Variants in PHLPP1 observed in about 807,000 individuals in gnomAD.
The protein encoded by PHLPP1 is PH domain and leucine rich repeat protein phosphatase 1.
Under a neutral mutation model 117.2 loss-of-function variants are expected in PHLPP1, and 42 were observed. The observed-to-expected ratio is 0.36, with a 90% CI of 0.28 to 0.46. PHLPP1 has a LOEUF of 0.46. Ranked by LOEUF, PHLPP1 falls within the 20% of genes least tolerant of loss-of-function variation. PHLPP1 has a pLI of 1.00. For missense variants in PHLPP1, 2,084 were observed against 2,241.9 expected, an observed-to-expected ratio of 0.93 and a Z score of 1.42; for synonymous variants, 1,042 against 970.7, an observed-to-expected ratio of 1.07 and a Z score of -1.37.
intron 4 of PHLPP1, among the ~76,000 whole-genome samples, chr18:62,878,267 A>G (rs1486023080): frequency 1.3e-5 from 2 of 152,230 alleles, no homozygotes; most frequent in African/African-American, 2.4e-5. Context: ...AAGTGTCATC[A>G]TAACTTGGGA....
chr18:62,923,245 A>G (rs1393131419), intron 10 of PHLPP1, among the ~76,000 whole-genome samples: 1 of 152,196 alleles, frequency 6.6e-6, no homozygotes, highest in Non-Finnish European at 1.5e-5. Context: ...GGCAGGATAA[A>G]TGCATTTCTG....
At chr18:62,912,574 T>A (rs1916986907) in intron 8 of PHLPP1, among the ~76,000 whole-genome samples, 1 of 150,860 alleles carries the variant, frequency 6.6e-6, no homozygotes, top group African/African-American at 2.4e-5. Flanking sequence ...AGTATAGGAA[T>A]GGGATTTGCG....
At chr18:62,940,975 C>T (rs1910117024) in intron 10 of PHLPP1, among the ~76,000 whole-genome samples, 1 of 152,174 alleles carries the variant, frequency 6.6e-6, no homozygotes, top group Admixed American at 6.5e-5. Flanking sequence ...TGACTTTGAA[C>T]TTTATATAGT....
intron 1 of PHLPP1, among the ~76,000 whole-genome samples, chr18:62,782,081 G>C (rs1434438407): frequency 1.3e-5 from 2 of 152,148 alleles, no homozygotes; most frequent in African/African-American, 4.8e-5. Context: ...TATGTTTTCA[G>C]CCATACTTTT....
chr18:62,913,968 A>G (rs1220316473), intron 8 of PHLPP1, among the ~76,000 whole-genome samples: 1 of 151,384 alleles, frequency 6.6e-6, no homozygotes, highest in South Asian at 2.1e-4. Context: ...CTTGTGTCAA[A>G]CTCCTGACCT....
At chr18:62,763,763 G>C (rs1912342598) in intron 1 of PHLPP1, among the ~76,000 whole-genome samples, 1 of 152,050 alleles carries the variant, frequency 6.6e-6, no homozygotes, top group African/African-American at 2.4e-5. Flanking sequence ...TCATACCTCT[G>C]TCTTCGTGAC....
At chr18:62,747,297 T>TC (rs1911706136) in intron 1 of PHLPP1, among the ~76,000 whole-genome samples, 1 of 148,940 alleles carries the variant, frequency 6.7e-6, no homozygotes, top group Non-Finnish European at 1.5e-5. Context: ...TTTTTTTTTT[T>TC]CTGTGGAAAC....
chr18:62,848,737 G>A (rs909052176), intron 3 of PHLPP1, among the ~76,000 whole-genome samples: 4 of 152,092 alleles, frequency 2.6e-5, no homozygotes, highest in Non-Finnish European at 5.9e-5. Context: ...GTACTGGGAT[G>A]ACAGGCACAA....
At chr18:62,877,837 G>T (rs982036138) in intron 4 of PHLPP1, among the ~76,000 whole-genome samples, 3 of 152,158 alleles carry the variant, frequency 2.0e-5, no homozygotes, top group Non-Finnish European at 2.9e-5. Context: ...CTAATTTATG[G>T]CAATGATGGC....
intron 3 of PHLPP1, among the ~76,000 whole-genome samples, chr18:62,853,004 C>T (rs1269871382): frequency 2.0e-5 from 3 of 152,066 alleles, no homozygotes; most frequent in African/African-American, 4.8e-5. Context: ...AGAGGAGGGA[C>T]GTTTTTGTCA....
intron 10 of PHLPP1, among the ~76,000 whole-genome samples, chr18:62,929,075 A>C (rs1003889372): frequency 6.6e-6 from 1 of 152,208 alleles, no homozygotes; most frequent in African/African-American, 2.4e-5. Context: ...TGGTTGCACA[A>C]GTTTGTGAAA....
chr18:62,781,738 G>A (rs749470427), intron 1 of PHLPP1, among the ~76,000 whole-genome samples: 128 of 152,046 alleles, frequency 8.4e-4, no homozygotes, highest in Non-Finnish European at 8.5e-4. Context: ...TGCATTTTAA[G>A]CTCCAGTTTT....
intron 1 of PHLPP1, among the ~76,000 whole-genome samples, chr18:62,725,795 T>A (rs928226427): frequency 3.9e-5 from 6 of 152,242 alleles, no homozygotes; most frequent in African/African-American, 1.4e-4. Context: ...GCAAAAGCTT[T>A]AGCTTCCTTT....
chr18:62,781,872 C>T (rs1386734035), intron 1 of PHLPP1, among the ~76,000 whole-genome samples: 1 of 152,096 alleles, frequency 6.6e-6, no homozygotes, highest in Non-Finnish European at 1.5e-5. Context: ...AAATTTTTAG[C>T]TGTGAGTCTT....
chr18:62,888,734 T>G (rs1916345677), intron 4 of PHLPP1, among the ~76,000 whole-genome samples: 1 of 152,134 alleles, frequency 6.6e-6, no homozygotes, highest in Non-Finnish European at 1.5e-5. Context: ...AATATCTGGC[T>G]TACCTATTAT....
intron 12 of PHLPP1, among the ~76,000 whole-genome samples, chr18:62,948,956 G>A (rs1281108317): frequency 6.6e-6 from 1 of 152,056 alleles, no homozygotes; most frequent in Admixed American, 6.5e-5. Context: ...TCATTGTAAA[G>A]TGTGCCTATT....
rs915682044 is a variant in PHLPP1 at position 62,716,970 on chromosome 18, C to T, written c.1287C>T (p.Ala429=). Residue 429 remains alanine, a synonymous_variant, in exon 1 of 17, where the codon GCC becomes GCT. Transcript: ENST00000262719. The surrounding 1 kb of genome is among the most constrained non-coding windows in gnomAD (Gnocchi z 5.7). Reference sequence around the variant, plus strand: ...GGGCCATTGACAGCCCGGGCGGGGCCGTCCGCGAGGGGTCGTGCGAGGAGA... The same window carrying T: ...GGGCCATTGACAGCCCGGGCGGGGCTGTCCGCGAGGGGTCGTGCGAGGAGA... ...APRAIDSPGG[A]VREGSCEEKA... 1.3e-6 allele frequency: 2 copies of T among 1,539,946 alleles called. No individual in the cohort carries two copies. Among genetic ancestry groups the T allele is most frequent in the African/African-American group, 1.4e-5 (1 of 72,900 alleles).
intron 1 of PHLPP1, among the ~76,000 whole-genome samples, chr18:62,813,401 T>C (rs554462879): frequency 6.6e-6 from 1 of 152,246 alleles, no homozygotes; most frequent in South Asian, 2.1e-4. Context: ...GAGAACTGAA[T>C]CTAGTTCCTT....
At chr18:62,770,153 C>G (rs1052320958) in intron 1 of PHLPP1, among the ~76,000 whole-genome samples, 5 of 152,056 alleles carry the variant, frequency 3.3e-5, no homozygotes, top group African/African-American at 1.2e-4. Flanking sequence ...TTTTGTCACC[C>G]AGGCTGGAGT....
Sources: allele counts gnomAD v4.1 joint callset (sites outside exome capture counted in the v4.1 genomes callset), GRCh38; gene constraint gnomAD v4.1.1; non-coding constraint Gnocchi (gnomAD v3.1); transcripts MANE v1.5; gene names NCBI Gene and HGNC (gene_info 2026-07-23, HGNC 2026-07-21).